NSD1: variants seen among roughly 807,000 people sequenced by gnomAD.
NSD1 encodes nuclear receptor binding SET domain protein 1.
NSD1 carries 26 observed loss-of-function variants against 242.7 expected under a neutral mutation model. The ratio of observed to expected loss-of-function variants is 0.11; its 90% CI spans 0.08 to 0.15. The LOEUF is 0.15. Among genes scored for constraint, NSD1 ranks in the 10% least tolerant of loss-of-function variants. The probability of loss-of-function intolerance (pLI) is 1.00; values close to 1 mark genes in which losing one functional copy is unlikely to be tolerated. For missense variants in NSD1, 2,495 were observed against 3,272.8 expected, an observed-to-expected ratio of 0.76 and a Z score of 5.80; for synonymous variants, 1,106 against 1,178.1, an observed-to-expected ratio of 0.94 and a Z score of 1.25.
intron 4 of NSD1, among the ~76,000 whole-genome samples, chr5:177,207,106 T>C (rs1181639928): frequency 6.6e-6 from 1 of 151,720 alleles, no homozygotes; most frequent in Non-Finnish European, 1.5e-5. Flanking sequence ...CCTGCTAATT[T>C]TTGTATTTTT....
At chr5:177,236,576 TTCATGA>T (rs780382079) in intron 6 of NSD1, among the ~76,000 whole-genome samples, 101 of 152,208 alleles carry the variant, frequency 6.6e-4, no homozygotes, top group Non-Finnish European at 1.3e-3. Flanking sequence ...AATCCCTTTT[TTCATGA>T]TCATGATCAT....
intron 2 of NSD1, among the ~76,000 whole-genome samples, chr5:177,183,497 T>C (rs1760861027): frequency 6.6e-6 from 1 of 152,140 alleles, no homozygotes; most frequent in African/African-American, 2.4e-5. Context: ...AAAATTTTAT[T>C]TTCAATGTTT....
intron 14 of NSD1, among the ~76,000 whole-genome samples, chr5:177,264,028 A>ATTTTTTTTT (rs61538775): frequency 0.066 from 5,055 of 76,136 alleles, 1,006 homozygotes; most frequent in East Asian, 0.13. Flanking sequence ...CAATGAACCA[A>ATTTTTTTTT]TTTTTTTTTT....
chr5:177,181,259 G>A (rs557539306), intron 2 of NSD1, among the ~76,000 whole-genome samples: 4 of 151,894 alleles, frequency 2.6e-5, no homozygotes, highest in African/African-American at 4.8e-5. Context: ...CTCCATCCTC[G>A]GTGACAGTGA....
At chr5:177,258,682 C>T (rs144135761) in intron 13 of NSD1, among the ~76,000 whole-genome samples, 3 of 152,002 alleles carry the variant, frequency 2.0e-5, no homozygotes, top group African/African-American at 7.2e-5. Context: ...ATTACAGGCA[C>T]ATGCCACCAT....
chr5:177,145,778 C>T (rs1365197364), intron 2 of NSD1, among the ~76,000 whole-genome samples: 2 of 151,916 alleles, frequency 1.3e-5, no homozygotes, highest in East Asian at 1.9e-4. Context: ...CGTGATGGTG[C>T]GTGCTTGTAA....
At chr5:177,279,642 A>G in intron 17 of NSD1, among the ~76,000 whole-genome samples, 1 of 59,682 alleles carries the variant, frequency 1.7e-5, no homozygotes, top group African/African-American at 1.1e-4. Context: ...TTTTTTTGAG[A>G]CGGAGTCTCG....
chr5:177,134,940 TCA>T lies in NSD1; in HGVS notation c.-17-146_-17-145del. The T allele has an allele frequency of 1.5e-6, 1 of 678,410 alleles. No individual in the cohort carries two copies. Among genetic ancestry groups the T allele is most frequent in the Admixed American group, 2.7e-5 (1 of 36,374 alleles). 42.0% of individuals were successfully genotyped at this position (678,410 alleles called of 1,614,324 possible). A position where few individuals can be genotyped will look rare whatever the true frequency, so the allele number is the denominator to read the frequency against. ...TCAGAGGCTCATCGAGGCCATTTTT[TCA>T]TCTCCAGTCGGGGGAACTTTTTCTG... On this transcript the variant is annotated intron_variant, in intron 1 of 22. Transcript: ENST00000439151. The surrounding 1 kb of genome is among the most constrained non-coding windows in gnomAD (Gnocchi z 4.2).
chr5:177,132,251 G>A (rs1308379302), upstream of NSD1, among the ~76,000 whole-genome samples: 1 of 151,830 alleles, frequency 6.6e-6, no homozygotes, highest in African/African-American at 2.4e-5. The surrounding 1 kb of genome is among the most constrained non-coding windows in gnomAD (Gnocchi z 7.5). Context: ...CACTCCCCGG[G>A]GAACCGGGCT....
intron 2 of NSD1, among the ~76,000 whole-genome samples, chr5:177,150,061 C>T (rs754793780): frequency 4.6e-5 from 7 of 151,380 alleles, no homozygotes; most frequent in Non-Finnish European, 8.8e-5. Flanking sequence ...CTCAGCCTCC[C>T]GAGTAGTTAG....
chr5:177,150,623 A>G (rs986398157), intron 2 of NSD1, among the ~76,000 whole-genome samples: 1 of 150,882 alleles, frequency 6.6e-6, no homozygotes, highest in Admixed American at 6.6e-5. Flanking sequence ...TCTTCTAGCA[A>G]TTGCTGGAAA....
At chr5:177,195,124 A>G (rs1474699516) in intron 3 of NSD1, among the ~76,000 whole-genome samples, 5 of 152,088 alleles carry the variant, frequency 3.3e-5, no homozygotes, top group Non-Finnish European at 7.4e-5. Context: ...ACACTACTGC[A>G]CTACAGCCTG....
intron 2 of NSD1, among the ~76,000 whole-genome samples, chr5:177,164,818 C>T (rs2149792355): frequency 6.6e-6 from 1 of 151,758 alleles, no homozygotes; most frequent in South Asian, 2.1e-4. Context: ...TGGCAGGTGC[C>T]TGTAATCCCA....
At chr5:177,258,333 A>C (rs1343938339) in intron 13 of NSD1, among the ~76,000 whole-genome samples, 2 of 151,652 alleles carry the variant, frequency 1.3e-5, no homozygotes, top group Non-Finnish European at 2.9e-5. Context: ...ATGCATGCCA[A>C]GGCAGGATTG....
intron 5 of NSD1, among the ~76,000 whole-genome samples, chr5:177,231,222 A>G (rs1417395675): frequency 6.6e-6 from 1 of 152,096 alleles, no homozygotes; most frequent in South Asian, 2.1e-4. Context: ...AATAGCTGGG[A>G]CTACAGGCGC....
chr5:177,211,683 G>T lies in NSD1; in HGVS notation c.3284G>T (p.Gly1095Val), dbSNP rs1763354810. The T allele has an allele frequency of 6.2e-7, 1 of 1,614,070 alleles. No homozygotes were observed. Among genetic ancestry groups the T allele is most frequent in the East Asian group, 2.2e-5 (1 of 44,872 alleles). ...AAAGAGGATCCCCTTCAGATAATGG[G>T]CCACTTAACAAGTGAAGATGGTGAC... ...PSKEDPLQIM[G>V]HLTSEDGDHF... Residue 1095 changes from glycine (G) to valine (V), a missense_variant, in exon 5 of 23, where the codon GGC becomes GTC. Physicochemically the swap from Gly to Val is moderately radical, Grantham distance 109 (BLOSUM62 -3). Around this residue, in one of 19 missense-constraint regions of NSD1, gnomAD observed 426 missense variants for 411.4 expected, o/e 1.04. Transcript: ENST00000439151.
At chr5:177,168,432 T>C (rs1382094128) in intron 2 of NSD1, among the ~76,000 whole-genome samples, 1 of 151,970 alleles carries the variant, frequency 6.6e-6, no homozygotes, top group African/African-American at 2.4e-5. Flanking sequence ...CTCAGTTTCC[T>C]TTTTGGATTG....
chr5:177,226,330 C>G (rs1187595231), intron 5 of NSD1, among the ~76,000 whole-genome samples: 1 of 152,090 alleles, frequency 6.6e-6, no homozygotes. Context: ...CCACCGGGCC[C>G]GGCCAGTAGT....
intron 2 of NSD1, among the ~76,000 whole-genome samples, chr5:177,181,321 C>G (rs1315765877): frequency 6.6e-6 from 1 of 151,554 alleles, no homozygotes; most frequent in Non-Finnish European, 1.5e-5. Flanking sequence ...AGAAGCTCTA[C>G]TGTGCATAAA....
Sources: gnomAD v4.1 joint callset for allele counts (sites outside exome capture counted in the v4.1 genomes callset) on GRCh38, gnomAD v4.1.1 for gene constraint, gnomAD v4.1.1 regional missense constraint, Gnocchi (gnomAD v3.1) non-coding constraint, MANE v1.5 for transcripts, NCBI Gene and HGNC (gene_info 2026-07-23, HGNC 2026-07-21) for gene names.